PLD1: variants seen among roughly 807,000 people sequenced by gnomAD.
PLD1 encodes choline phosphatase 1.
PLD1 carries 112 observed loss-of-function variants against 137.1 expected under a neutral mutation model. The ratio of observed to expected loss-of-function variants is 0.82; its 90% confidence interval spans 0.70 to 0.96. PLD1 has a LOEUF of 0.96. Ranked by LOEUF, PLD1 falls within the 40% of genes least tolerant of loss-of-function variation. The pLI is 0.00. For synonymous variants in PLD1, 431 were observed against 454.7 expected (o/e 0.95, Z 0.66); for missense variants, 1,321 against 1,342.0 (o/e 0.98, Z 0.24).
chr3:171,724,587 G>C, intron 8 of PLD1, 109 bp downstream of exon 8: 1 of 658,794 alleles, frequency 1.5e-6, no homozygotes, highest in Middle Eastern at 3.4e-4. Context: ...TTAAAAATTT[G>C]TTCTGCCATT....
intron 13 of PLD1, among the ~76,000 whole-genome samples, chr3:171,689,830 A>T (rs1714970936): frequency 1.3e-5 from 2 of 152,202 alleles, no homozygotes; most frequent in African/African-American, 2.4e-5. Flanking sequence ...CACATTTTTT[A>T]AAAATTGTAG....
chr3:171,603,183 G>A lies in PLD1; in HGVS notation c.3120C>T (p.Ile1040=). 6.2e-7 allele frequency: 1 copy of A among 1,614,088 alleles called. No individual in the cohort carries two copies. Among genetic ancestry groups the A allele is most frequent in the Non-Finnish European group, 8.5e-7 (1 of 1,179,944 alleles). Residue 1040 remains isoleucine, a synonymous_variant, in exon 27 of 27, where the codon ATC becomes ATT. Transcript: ENST00000351298. ...AGGGGAATTGCACCAAAAATCCACG[G>A]ATCTTCTTCAGTTCCTCCTCAGCTC... The part of the protein sequence containing the change: ...PIRAEEELKK[I]RGFLVQFPFY...
intron 1 of PLD1, among the ~76,000 whole-genome samples, chr3:171,782,633 A>G (rs1722837924): frequency 6.6e-6 from 1 of 152,198 alleles, no homozygotes; most frequent in African/African-American, 2.4e-5. Context: ...TGTTCACCTT[A>G]ACATTCTTTC....
At chr3:171,623,375 C>T (rs1277524921) in intron 23 of PLD1, among the ~76,000 whole-genome samples, 1 of 144,500 alleles carries the variant, frequency 6.9e-6, no homozygotes, top group Non-Finnish European at 1.5e-5. Flanking sequence ...AGTGCAGTGG[C>T]GTGATCTCGA....
chr3:171,801,192 A>G (rs1446449957), intron 1 of PLD1, among the ~76,000 whole-genome samples: 1 of 152,218 alleles, frequency 6.6e-6, no homozygotes, highest in Non-Finnish European at 1.5e-5. Flanking sequence ...TCACTAGCCT[A>G]GGCCTAGTAC....
chr3:171,620,369 C>A lies in PLD1; in HGVS notation c.2728+17G>T. 6.4e-7 allele frequency: 1 copy of A among 1,554,150 alleles called. No individual in the cohort carries two copies. Among genetic ancestry groups the A allele is most frequent in the South Asian group, 1.2e-5 (1 of 83,958 alleles). ...AACTGGCAAGGAATACAATTATAGA[C>A]CATATACTGTACTTACCAATAATAA... is the stretch of plus-strand genomic sequence containing the variant. On this transcript the variant is annotated intron_variant, in intron 24 of 26. Coordinates refer to ENST00000351298, the MANE Select transcript of PLD1 (RefSeq NM_002662.5).
chr3:171,799,337 T>TAAA (rs758379833), intron 1 of PLD1, among the ~76,000 whole-genome samples: 50 of 57,834 alleles, frequency 8.6e-4, no homozygotes, highest in Non-Finnish European at 1.3e-3. Flanking sequence ...AGACTCCGTC[T>TAAA]AAAAAAAAAA....
intron 1 of PLD1, among the ~76,000 whole-genome samples, chr3:171,752,371 A>G (rs1218927688): frequency 1.3e-5 from 2 of 152,238 alleles, no homozygotes; most frequent in Non-Finnish European, 2.9e-5. Context: ...GACTCAGTGA[A>G]TTTTTATTTC....
rs377688630 is a variant in PLD1, at chr3:171,616,646, C to T, written c.2728+3740G>A. Among the ~76,000 whole-genome samples the T allele has an allele frequency of 2.6e-5, 4 of 152,214 alleles. No individual in the cohort carries two copies. The South Asian group carries it at 8.3e-4, about 32-fold the overall frequency. On this transcript the variant is annotated intron_variant, in intron 24 of 26. Coordinates refer to ENST00000351298, the MANE Select transcript of PLD1 (RefSeq NM_002662.5). Reference sequence around the variant, plus strand: ...ATTTTCAGAGATAGAATGTTGCTGACTTTAAAGGTGGAAGAAGGGGCTGTG... The same window carrying T: ...ATTTTCAGAGATAGAATGTTGCTGATTTTAAAGGTGGAAGAAGGGGCTGTG...
intron 1 of PLD1, among the ~76,000 whole-genome samples, chr3:171,739,985 A>G (rs997485790): frequency 1.3e-5 from 2 of 152,198 alleles, no homozygotes; most frequent in Non-Finnish European, 2.9e-5. Flanking sequence ...AGAATTGGAA[A>G]TAATCTCCTG....
rs1174564536 is a variant in PLD1 at position 171,652,766 on chromosome 3, ATTTTTTTTTTTT to A, written c.2429+6435_2429+6446del. On this transcript the variant is annotated intron_variant, in intron 21 of 26. Coordinates refer to ENST00000351298, the MANE Select transcript of PLD1 (RefSeq NM_002662.5). ...CAGGCATGTACCAGCACACTCAGCTATTTTTTTTTTTTTTTTTTTTTTTTTTTTTGTAGAGAC... is the reference window on the plus strand; with the variant it reads ...CAGGCATGTACCAGCACACTCAGCTATTTTTTTTTTTTTTTTTGTAGAGAC... Among the ~76,000 whole-genome samples the A allele has an allele frequency of 4.8e-3, 361 of 75,618 alleles. 3 individuals carry two copies. Among genetic ancestry groups the A allele is most frequent in the African/African-American group, 0.018 (302 of 16,938 alleles). The allele number at this position is 75,618 out of a possible 152,430, so 49.6% of individuals were successfully genotyped here.
At chr3:171,615,444 T>C (rs1733022340) in intron 24 of PLD1, among the ~76,000 whole-genome samples, 1 of 152,198 alleles carries the variant, frequency 6.6e-6, no homozygotes, top group Middle Eastern at 3.2e-3. Flanking sequence ...CATCACTGAA[T>C]TTATTACCCT....
At chr3:171,692,297 A>G (rs757570846) in intron 13 of PLD1, 35 bp downstream of exon 13, 3 of 992,510 alleles carry the variant, frequency 3.0e-6, no homozygotes, top group Non-Finnish European at 4.8e-6. Flanking sequence ...ATAGAATAAT[A>G]AAGAAACATT....
At chr3:171,708,465 T>C (rs775828628) in intron 11 of PLD1, among the ~76,000 whole-genome samples, 1 of 152,248 alleles carries the variant, frequency 6.6e-6, no homozygotes, top group Non-Finnish European at 1.5e-5. Context: ...CCTCTATAAC[T>C]GTACTTGCAT....
intron 19 of PLD1, among the ~76,000 whole-genome samples, chr3:171,668,725 T>C (rs987748934): frequency 2.0e-5 from 3 of 152,168 alleles, no homozygotes; most frequent in African/African-American, 7.2e-5. Flanking sequence ...CAAGGAATGG[T>C]TTCTACTATG....
chr3:171,708,221 T>G (rs908035964), intron 11 of PLD1, among the ~76,000 whole-genome samples: 9 of 152,182 alleles, frequency 5.9e-5, no homozygotes, highest in Non-Finnish European at 1.3e-4. Context: ...AGGCTTCTGG[T>G]GACTTTAATA....
chr3:171,760,329 C>A (rs1287952322), intron 1 of PLD1, among the ~76,000 whole-genome samples: 1 of 152,168 alleles, frequency 6.6e-6, no homozygotes, highest in East Asian at 1.9e-4. Flanking sequence ...CTGCCTTCAT[C>A]TAGTGATAAC....
chr3:171,770,602 C>G (rs1426655911), intron 1 of PLD1, among the ~76,000 whole-genome samples: 1 of 152,060 alleles, frequency 6.6e-6, no homozygotes, highest in Non-Finnish European at 1.5e-5. Context: ...AGGAACTAGG[C>G]TAGGCAAGGT....
At chr3:171,787,528 A>G (rs1255680819) in intron 1 of PLD1, among the ~76,000 whole-genome samples, 3 of 152,168 alleles carry the variant, frequency 2.0e-5, no homozygotes, top group African/African-American at 7.2e-5. Flanking sequence ...AACCTAGGAG[A>G]AAAATGTTAT....
Sources: gnomAD v4.1 joint callset for allele counts (sites outside exome capture counted in the v4.1 genomes callset) on GRCh38, gnomAD v4.1.1 for gene constraint, MANE v1.5 for transcripts, NCBI Gene and HGNC (gene_info 2026-07-23, HGNC 2026-07-21) for gene names.